B3GALT1: variants seen among roughly 807,000 people sequenced by gnomAD.
B3GALT1 encodes beta-1,3-galactosyltransferase 1, also known as UDP-Gal:betaGlcNAc beta 1,3-galactosyltransferase, polypeptide 1.
B3GALT1 carries 10 observed loss-of-function variants against 23.2 expected under a neutral mutation model. The observed-to-expected ratio is 0.43, with a 90% confidence interval of 0.27 to 0.73. B3GALT1 has a LOEUF of 0.73. Ranked by LOEUF, B3GALT1 falls within the 30% of genes least tolerant of loss-of-function variation. The pLI is 0.21. For synonymous variants in B3GALT1, 156 were observed against 141.5 expected, an observed-to-expected ratio of 1.10 and a Z score of -0.73; for missense variants, 299 against 405.4, an observed-to-expected ratio of 0.74 and a Z score of 2.25.
intron 2 of B3GALT1, among the ~76,000 whole-genome samples, chr2:167,529,607 C>T (rs938322764): frequency 2.0e-5 from 3 of 151,344 alleles, no homozygotes; most frequent in African/African-American, 4.8e-5. Flanking sequence ...TGAGCACCAC[C>T]GTCAGCTGTC....
chr2:167,614,296 T>C (rs1004573095), intron 2 of B3GALT1, among the ~76,000 whole-genome samples: 2 of 150,882 alleles, frequency 1.3e-5, no homozygotes, highest in African/African-American at 4.9e-5. Context: ...AAAAAACCCA[T>C]TCAATTTAAA....
chr2:167,517,447 T>G (rs1700113957), intron 2 of B3GALT1, among the ~76,000 whole-genome samples: 1 of 152,084 alleles, frequency 6.6e-6, no homozygotes, highest in African/African-American at 2.4e-5. Flanking sequence ...TATACTGAAC[T>G]GATTTCTACT....
At chr2:167,857,891 A>T (rs1280745157) in intron 4 of B3GALT1, among the ~76,000 whole-genome samples, 2 of 152,134 alleles carry the variant, frequency 1.3e-5, no homozygotes, top group East Asian at 1.9e-4. Flanking sequence ...TTAAATGATG[A>T]TTCTCTTGGC....
intron 1 of B3GALT1, among the ~76,000 whole-genome samples, chr2:167,433,116 A>C: frequency 6.6e-6 from 1 of 152,204 alleles, no homozygotes; most frequent in African/African-American, 2.4e-5. Flanking sequence ...CAACTCCTGG[A>C]AACCACTAAT....
intron 1 of B3GALT1, among the ~76,000 whole-genome samples, chr2:167,479,630 CA>C (rs1559109534): frequency 6.6e-6 from 1 of 151,990 alleles, no homozygotes; most frequent in African/African-American, 2.4e-5. Context: ...TTCAGTCTTG[CA>C]ATTTGAGGTA....
At chr2:167,674,977 G>A (rs886590314) in intron 3 of B3GALT1, among the ~76,000 whole-genome samples, 4 of 152,142 alleles carry the variant, frequency 2.6e-5, no homozygotes, top group African/African-American at 7.2e-5. Context: ...CAGCCAGCAT[G>A]GGACCTGACC....
chr2:167,490,347 A>G (rs554057724), intron 2 of B3GALT1, 70 bp downstream of exon 2: 3 of 152,224 alleles, frequency 2.0e-5, no homozygotes, highest in Non-Finnish European at 4.4e-5. Flanking sequence ...AAAATAGATG[A>G]TATTATTCAA....
chr2:167,631,695 T>C (rs1293146470), intron 2 of B3GALT1, among the ~76,000 whole-genome samples: 1 of 151,320 alleles, frequency 6.6e-6, no homozygotes, highest in Non-Finnish European at 1.5e-5. Flanking sequence ...AATAGTAGTT[T>C]TTTAGAATAG....
At chr2:167,817,370 C>A (rs746794540) in intron 3 of B3GALT1, among the ~76,000 whole-genome samples, 2 of 152,138 alleles carry the variant, frequency 1.3e-5, no homozygotes, top group African/African-American at 2.4e-5. Context: ...TGATGACTAC[C>A]TATGCAAGCA....
intron 3 of B3GALT1, among the ~76,000 whole-genome samples, chr2:167,817,617 T>A (rs557804223): frequency 6.6e-6 from 1 of 152,320 alleles, no homozygotes; most frequent in East Asian, 1.9e-4. Context: ...GGAATCCACT[T>A]GTGCCTCTGT....
At chr2:167,806,437 C>T (rs1241170124) in intron 3 of B3GALT1, among the ~76,000 whole-genome samples, 1 of 152,160 alleles carries the variant, frequency 6.6e-6, no homozygotes, top group Admixed American at 6.6e-5. Flanking sequence ...CCAGTTTTTG[C>T]CCATTCAGTA....
intron 1 of B3GALT1, among the ~76,000 whole-genome samples, chr2:167,444,205 C>T (rs1698944343): frequency 6.6e-6 from 1 of 152,164 alleles, no homozygotes; most frequent in South Asian, 2.1e-4. Flanking sequence ...CCTTGCATCC[C>T]AGGGATGAAG....
chr2:167,645,701 G>T (rs572392223), intron 2 of B3GALT1, among the ~76,000 whole-genome samples: 1 of 151,740 alleles, frequency 6.6e-6, no homozygotes, highest in African/African-American at 2.4e-5. Context: ...CTGAGTAGGC[G>T]GGATTACAGG....
intron 1 of B3GALT1, among the ~76,000 whole-genome samples, chr2:167,416,956 G>C (rs1386186181): frequency 6.6e-6 from 1 of 152,182 alleles, no homozygotes; most frequent in African/African-American, 2.4e-5. Flanking sequence ...CTTGAAAGTA[G>C]ATAACTTGTT....
intron 3 of B3GALT1, among the ~76,000 whole-genome samples, chr2:167,759,273 A>G (rs1338472125): frequency 6.6e-6 from 1 of 152,156 alleles, no homozygotes; most frequent in Non-Finnish European, 1.5e-5. Context: ...TCAGTTTTCT[A>G]CTTGATCTTA....
intron 3 of B3GALT1, among the ~76,000 whole-genome samples, chr2:167,704,414 C>G (rs770365649): frequency 6.6e-6 from 1 of 152,026 alleles, no homozygotes; most frequent in Non-Finnish European, 1.5e-5. Flanking sequence ...CACTAACACT[C>G]CCTAGAGATC....
intron 1 of B3GALT1, among the ~76,000 whole-genome samples, chr2:167,320,029 T>A (rs2105492180): frequency 6.6e-6 from 1 of 152,246 alleles, no homozygotes; most frequent in Non-Finnish European, 1.5e-5. Flanking sequence ...AGTGAGAATC[T>A]TGTGTTGGCA....
At chr2:167,780,726 T>C (rs1688232580) in intron 3 of B3GALT1, among the ~76,000 whole-genome samples, 1 of 152,242 alleles carries the variant, frequency 6.6e-6, no homozygotes, top group African/African-American at 2.4e-5. Context: ...GTTTCAGGCA[T>C]GGACTTTATT....
intron 2 of B3GALT1, among the ~76,000 whole-genome samples, chr2:167,497,394 G>A (rs563005955): frequency 1.3e-5 from 2 of 152,244 alleles, no homozygotes; most frequent in East Asian, 1.9e-4. Context: ...AAACTCCAAA[G>A]TGGGAATATG....
Sources: allele counts gnomAD v4.1 joint callset (sites outside exome capture counted in the v4.1 genomes callset), GRCh38; gene constraint gnomAD v4.1.1; transcripts MANE v1.5; gene names NCBI Gene and HGNC (gene_info 2026-07-23, HGNC 2026-07-21).